The following APOBEC1 variants were observed in gnomAD, a reference collection of about 807,000 sequenced individuals.
APOBEC1 encodes the protein apolipoprotein B mRNA editing enzyme catalytic subunit 1.
In APOBEC1, 22 loss-of-function variants were observed where a neutral mutation model predicts 26.3. The ratio of observed to expected loss-of-function variants is 0.84; its 90% CI spans 0.60 to 1.19. APOBEC1 has a LOEUF of 1.19. Among genes scored for constraint, APOBEC1 ranks in the 50% most tolerant of loss-of-function variants. The pLI is 0.00. For missense variants in APOBEC1, 253 were observed against 289.0 expected (o/e 0.88, Z 0.90); for synonymous variants, 77 against 95.3 (o/e 0.81, Z 1.12).
upstream of APOBEC1, among the ~76,000 whole-genome samples, chr12:7,666,389 G>A (rs1863892587): frequency 6.6e-6 from 1 of 151,804 alleles, no homozygotes; most frequent in Admixed American, 6.6e-5. Context: ...TGCCTCCCAG[G>A]TTCAAGCGAT....
At chr12:7,658,078 T>TTTTGTTTTG (rs1863741041) in intron 1 of APOBEC1, among the ~76,000 whole-genome samples, 1 of 145,232 alleles carries the variant, frequency 6.9e-6, no homozygotes, top group Non-Finnish European at 1.5e-5. Context: ...TTTTGTTTTG[T>TTTTGTTTTG]TTTGAGACAG....
rs1272794433 is a variant in APOBEC1, at chr12:7,652,719, G to C, written c.161C>G (p.Ser54Ter). ...CACGTGATTGGTGGTGTTTTTGCCT[G>C]AGCTTCGCCAGATCTTCCGGCTCAT... Reference protein sequence around the residue: ...WGMSRKIWRSSGKNTTNHVEV... With the variant: ...WGMSRKIWRS Residue 54 changes from serine to a stop codon, truncating the protein, a stop_gained, in exon 3 of 5, where the codon TCA becomes TGA. Transcript: ENST00000229304. LOFTEE classifies it high-confidence loss of function. The C allele has an allele frequency of 6.2e-7, 1 of 1,614,098 alleles. No individual in the cohort carries two copies. Among genetic ancestry groups the C allele is most frequent in the East Asian group, 2.2e-5 (1 of 44,884 alleles).
chr12:7,653,659 T>C (rs185471832), intron 2 of APOBEC1, among the ~76,000 whole-genome samples: 1 of 152,164 alleles, frequency 6.6e-6, no homozygotes, highest in African/African-American at 2.4e-5. Context: ...CACCTAGAGG[T>C]GCTATGTTCC....
At chr12:7,656,583 T>C (rs906425518) in intron 1 of APOBEC1, among the ~76,000 whole-genome samples, 1 of 152,128 alleles carries the variant, frequency 6.6e-6, no homozygotes, top group African/African-American at 2.4e-5. Context: ...GAGCCAAGGC[T>C]CTAGGGTCAG....
At chr12:7,657,974 T>C (rs1863739076) in intron 1 of APOBEC1, among the ~76,000 whole-genome samples, 1 of 152,166 alleles carries the variant, frequency 6.6e-6, no homozygotes, top group South Asian at 2.1e-4. Flanking sequence ...ATGACAAAAA[T>C]GCATGGACTG....
intron 1 of APOBEC1, among the ~76,000 whole-genome samples, chr12:7,658,150 G>T (rs1863742122): frequency 6.6e-6 from 1 of 152,076 alleles, no homozygotes; most frequent in African/African-American, 2.4e-5. Context: ...TGTAAACTTT[G>T]CCTCCAGGGT....
upstream of APOBEC1, among the ~76,000 whole-genome samples, chr12:7,668,888 T>G: frequency 6.6e-6 from 1 of 152,272 alleles, no homozygotes; most frequent in Middle Eastern, 3.4e-3. Context: ...TGCACTACCA[T>G]GCCCAGCTAA....
chr12:7,665,747 A>T, intron 1 of APOBEC1, 110 bp downstream of exon 1: 1 of 1,153,442 alleles, frequency 8.7e-7, no homozygotes. Flanking sequence ...TGCAAGAATC[A>T]GCAGGACACA....
Position 7,651,123 on chromosome 12 carries a change from C to A in APOBEC1, c.461G>T (p.Arg154Met). The change falls in exon 4 of 5, where the codon AGG becomes ATG. Residue 154 changes from arginine (R) to methionine (M), a missense_variant. Transcript: ENST00000229304. ...MRASEYYHCWRNFVNYPPGDE... is the reference protein window; with the variant it reads ...MRASEYYHCWMNFVNYPPGDE... Reference sequence around the variant, plus strand: ...CCCAGGTGGGTAGTTGACAAAATTCCTCCAGCAGTGATAATACTCTAAGGA... The same window carrying A: ...CCCAGGTGGGTAGTTGACAAAATTCATCCAGCAGTGATAATACTCTAAGGA... The A allele has an allele frequency of 6.2e-7, 1 of 1,613,422 alleles. No homozygotes were observed. Among genetic ancestry groups the A allele is most frequent in the Non-Finnish European group, 8.5e-7 (1 of 1,179,448 alleles).
intron 1 of APOBEC1, among the ~76,000 whole-genome samples, chr12:7,664,924 G>A (rs908283104): frequency 6.6e-6 from 1 of 151,110 alleles, no homozygotes; most frequent in Admixed American, 6.6e-5. Flanking sequence ...AAAAAATTTG[G>A]TTAGGCATGG....
At chr12:7,667,956 C>T (rs11055127), upstream of APOBEC1, among the ~76,000 whole-genome samples, 18,941 of 148,200 alleles carry the variant, frequency 0.13, 1,259 homozygotes, top group Middle Eastern at 0.19. Flanking sequence ...TAGCCATCAA[C>T]GATATCCATG....
intron 1 of APOBEC1, among the ~76,000 whole-genome samples, chr12:7,660,225 C>T (rs1863786768): frequency 1.3e-5 from 2 of 150,802 alleles, no homozygotes; most frequent in Admixed American, 1.3e-4. Flanking sequence ...ATTGCTTGAA[C>T]CCGGGAGGCA....
In APOBEC1 at chr12:7,654,939, T is replaced by A. The variant is rs113570757; in HGVS notation, c.17-307A>T. On this transcript the variant is annotated intron_variant, in intron 1 of 4. Transcript: ENST00000229304. Reference sequence around the variant, plus strand: ...AAAGCCTCTTAGAGGCCGGGTGCGGTGGCTCACGCCTGTAATTCTAGCACT... The same window carrying A: ...AAAGCCTCTTAGAGGCCGGGTGCGGAGGCTCACGCCTGTAATTCTAGCACT... Among the ~76,000 whole-genome samples the A allele has an allele frequency of 8.1e-3, 1,234 of 152,320 alleles. 21 individuals are homozygous for A. The highest frequency in any genetic ancestry group is 0.028 in the African/African-American group (1,153 of 41,578).
chr12:7,664,977 G>T (rs1863873235), intron 1 of APOBEC1, among the ~76,000 whole-genome samples: 1 of 149,906 alleles, frequency 6.7e-6, no homozygotes, highest in Admixed American at 6.6e-5. Context: ...GACCAAGGGT[G>T]GAGAATTGCT....
At chr12:7,651,608 T>A (rs1863641425) in intron 3 of APOBEC1, among the ~76,000 whole-genome samples, 1 of 45,694 alleles carries the variant, frequency 2.2e-5, no homozygotes, top group Non-Finnish European at 7.5e-5. Flanking sequence ...CAAGACTCCG[T>A]CTCAAAAAAA....
upstream of APOBEC1, among the ~76,000 whole-genome samples, chr12:7,669,040 C>CAA (rs1223018359): frequency 6.6e-6 from 1 of 151,938 alleles, no homozygotes; most frequent in Admixed American, 6.6e-5. Context: ...CCAGCACCCC[C>CAA]CAATTCTGTG....
upstream of APOBEC1, among the ~76,000 whole-genome samples, chr12:7,666,059 G>A (rs901852818): frequency 2.0e-4 from 31 of 152,100 alleles, no homozygotes; most frequent in African/African-American, 6.8e-4. Flanking sequence ...GGACATTATC[G>A]TGGGGATTTG....
rs1369583001 is a variant in APOBEC1 at position 7,659,332 on chromosome 12, T to A, written c.17-4700A>T. Among the ~76,000 whole-genome samples the A allele has an allele frequency of 1.1e-3, 106 of 92,696 alleles. 1 individual carries two copies. Among genetic ancestry groups the A allele is most frequent in the African/African-American group, 2.9e-3 (68 of 23,092 alleles). The allele number at this position is 92,696 out of a possible 152,430, so 60.8% of individuals were successfully genotyped here. On this transcript the variant is annotated intron_variant, in intron 1 of 4. Coordinates refer to ENST00000229304, the MANE Select transcript of APOBEC1 (RefSeq NM_001644.5). ...AAAAAAAAAAAAAAAAATATATATA[T>A]ATATATATATATATATATGTTTATA...
intron 1 of APOBEC1, among the ~76,000 whole-genome samples, chr12:7,660,371 G>GAAAGAAAAAGAAAGAAAGAAAGAAA (rs1555094880): frequency 5.5e-5 from 1 of 18,046 alleles, no homozygotes; most frequent in African/African-American, 1.6e-4. Flanking sequence ...AAGGAAGGAA[G>GAAAGAAAAAGAAAGAAAGAAAGAAA]GAAGGAAAGA....
Sources: gnomAD v4.1 joint callset for allele counts (sites outside exome capture counted in the v4.1 genomes callset) on GRCh38, gnomAD v4.1.1 for gene constraint, MANE v1.5 for transcripts, NCBI Gene and HGNC (gene_info 2026-07-23, HGNC 2026-07-21) for gene names.